Variants in THADA observed in about 807,000 individuals in gnomAD.
THADA encodes THADA armadillo repeat containing.
THADA carries 213 observed loss-of-function variants against 219.8 expected under a neutral mutation model. That is an observed-to-expected ratio of 0.97 (90% CI 0.87 to 1.09). The LOEUF is 1.09. Ranked by LOEUF, THADA falls within the 50% of genes least tolerant of loss-of-function variation. The pLI is 0.00. For synonymous variants in THADA, 1,018 were observed against 828.9 expected (o/e 1.23, Z -3.92); for missense variants, 2,956 against 2,311.3 (o/e 1.28, Z -5.72).
chr2:43,540,735 G>C (rs1019624606), intron 21 of THADA, among the ~76,000 whole-genome samples: 3 of 152,138 alleles, frequency 2.0e-5, no homozygotes, highest in Non-Finnish European at 4.4e-5. Flanking sequence ...AAAAAACCAA[G>C]ACTACAACTT....
At chr2:43,566,017 G>C (rs1698632582) in intron 15 of THADA, 1 of 155,028 alleles carries the variant, frequency 6.5e-6, no homozygotes, top group African/African-American at 2.4e-5. Context: ...GAACCCAGCA[G>C]GCGGAGGTTG....
chr2:43,267,314 A>G (rs1275789267), intron 36 of THADA, among the ~76,000 whole-genome samples: 1 of 152,248 alleles, frequency 6.6e-6, no homozygotes, highest in African/African-American at 2.4e-5. Flanking sequence ...GACTCCCAAC[A>G]GTTTAGAAGC....
chr2:43,424,147 A>T (rs575943516), intron 28 of THADA, among the ~76,000 whole-genome samples: 4 of 152,166 alleles, frequency 2.6e-5, no homozygotes, highest in Non-Finnish European at 5.9e-5. Flanking sequence ...ATAATGGCAT[A>T]TATGTTTAGG....
intron 29 of THADA, among the ~76,000 whole-genome samples, chr2:43,386,849 G>A: frequency 6.8e-6 from 1 of 146,960 alleles, no homozygotes; most frequent in East Asian, 2.0e-4. Context: ...AGTGAGCCGA[G>A]AGCATGCCAC....
Position 43,428,254 on chromosome 2 carries a change from T to C in THADA, c.3927-23A>G. 1.9e-6 allele frequency: 3 copies of C among 1,570,174 alleles called. No individual in the cohort carries two copies. In the South Asian group the frequency reaches 3.4e-5, roughly 18 times the overall value. ...TCACTGAAACAACAATTATTACACA[T>C]GAAAGATTTCACATTTAGGTAGTGA... is the stretch of plus-strand genomic sequence containing the variant. On this transcript the variant is annotated intron_variant, in intron 27 of 37. Coordinates refer to ENST00000405975, the MANE Select transcript of THADA (RefSeq NM_022065.5).
rs750141954 is a variant in THADA, at chr2:43,574,631, T to C, written c.1434A>G (p.Pro478=). Residue 478 remains proline (P), a synonymous_variant, in exon 11 of 38, where the codon CCA becomes CCG. Coordinates refer to ENST00000405975, the MANE Select transcript of THADA (RefSeq NM_022065.5). ...EHILAIDKTI[P]SQILEVMGDQ... is the part of the protein sequence containing the mutation. ...CTCCCATCACCTCTAAGATTTGAGA[T>C]GGAATAGTTTTATCTATAGCCAAAA... 8.7e-6 allele frequency: 14 copies of C among 1,613,858 alleles called. No individual in the cohort carries two copies. The highest frequency in any genetic ancestry group is 2.2e-5 in the East Asian group (1 of 44,892).
chr2:43,399,119 G>C (rs1674462748), intron 28 of THADA, among the ~76,000 whole-genome samples: 1 of 152,196 alleles, frequency 6.6e-6, no homozygotes, highest in Non-Finnish European at 1.5e-5. Flanking sequence ...GATTGATTGA[G>C]AGGAAAGTCC....
intron 29 of THADA, among the ~76,000 whole-genome samples, chr2:43,369,187 A>G (rs1024755945): frequency 4.6e-5 from 7 of 152,178 alleles, no homozygotes; most frequent in Admixed American, 6.5e-5. Flanking sequence ...CCTGCCTTTG[A>G]GCAGTCTTGG....
At chr2:43,509,914 C>G (rs1690179132) in intron 22 of THADA, among the ~76,000 whole-genome samples, 1 of 152,168 alleles carries the variant, frequency 6.6e-6, no homozygotes, top group Non-Finnish European at 1.5e-5. Context: ...TCACCTCACC[C>G]TTGCTTCTTC....
At chr2:43,385,253 C>A (rs538906228) in intron 29 of THADA, among the ~76,000 whole-genome samples, 1 of 152,218 alleles carries the variant, frequency 6.6e-6, no homozygotes, top group East Asian at 1.9e-4. Flanking sequence ...AAGCAGGAAA[C>A]TGAAACTGCA....
chr2:43,249,736 G>A (rs953444446), intron 36 of THADA, among the ~76,000 whole-genome samples: 9 of 151,986 alleles, frequency 5.9e-5, no homozygotes, highest in African/African-American at 1.9e-4. Flanking sequence ...TTCTTCCTGG[G>A]CCTTAGTCAA....
At chr2:43,587,994 G>A (rs1701182918) in intron 4 of THADA, among the ~76,000 whole-genome samples, 1 of 152,116 alleles carries the variant, frequency 6.6e-6, no homozygotes, top group Non-Finnish European at 1.5e-5. Flanking sequence ...GGAATATTCA[G>A]AATAAGAAGA....
chr2:43,507,049 T>C (rs2105090902), intron 23 of THADA, among the ~76,000 whole-genome samples: 2 of 152,326 alleles, frequency 1.3e-5, no homozygotes, highest in Middle Eastern at 6.8e-3. Flanking sequence ...ACAAACTAAG[T>C]AGACAGTTCT....
chr2:43,363,178 G>C (rs865921748), intron 29 of THADA, among the ~76,000 whole-genome samples: 1 of 152,128 alleles, frequency 6.6e-6, no homozygotes, highest in African/African-American at 2.4e-5. Context: ...CATAAACCAG[G>C]AACATAGTCA....
chr2:43,366,463 T>A (rs1478125396), intron 29 of THADA, among the ~76,000 whole-genome samples: 1 of 152,092 alleles, frequency 6.6e-6, no homozygotes, highest in African/African-American at 2.4e-5. Flanking sequence ...ATTTCTCAGA[T>A]CTTAAAAACA....
At chr2:43,394,255 AT>A (rs1673753154) in intron 29 of THADA, among the ~76,000 whole-genome samples, 1 of 152,240 alleles carries the variant, frequency 6.6e-6, no homozygotes, top group African/African-American at 2.4e-5. Context: ...CGATTAAGAA[AT>A]GAATCCCACA....
At chr2:43,582,151 C>A (rs1387891103) in intron 7 of THADA, among the ~76,000 whole-genome samples, 1 of 152,138 alleles carries the variant, frequency 6.6e-6, no homozygotes, top group East Asian at 1.9e-4. Flanking sequence ...TCTTTCTCAG[C>A]CAATAACTAA....
chr2:43,571,433 G>C (rs1275697927), intron 13 of THADA, among the ~76,000 whole-genome samples: 2 of 151,728 alleles, frequency 1.3e-5, no homozygotes, highest in African/African-American at 2.4e-5. Flanking sequence ...TTGTATTTTA[G>C]TAGAGATGGG....
At chr2:43,491,639 C>T (rs573878113) in intron 25 of THADA, among the ~76,000 whole-genome samples, 1 of 152,320 alleles carries the variant, frequency 6.6e-6, no homozygotes, top group South Asian at 2.1e-4. Flanking sequence ...TGATAGCATG[C>T]TGTACAGTTT....
Sources: allele counts gnomAD v4.1 joint callset (sites outside exome capture counted in the v4.1 genomes callset), GRCh38; gene constraint gnomAD v4.1.1; transcripts MANE v1.5; gene names NCBI Gene and HGNC (gene_info 2026-07-23, HGNC 2026-07-21).